GXYLT2: variants seen among roughly 807,000 people sequenced by gnomAD.
GXYLT2 encodes the protein glucoside xylosyltransferase 2.
GXYLT2 carries 53 observed loss-of-function variants against 45.8 expected under a neutral mutation model. The ratio of observed to expected loss-of-function variants is 1.16; its 90% CI spans 0.93 to 1.46. GXYLT2 has a LOEUF of 1.46. GXYLT2 is among the 40% of genes most tolerant of loss of function. The pLI is 0.00. For missense variants in GXYLT2, 551 were observed against 544.4 expected (o/e 1.01, Z -0.12); for synonymous variants, 219 against 214.2 (o/e 1.02, Z -0.19).
In GXYLT2 at chr3:72,929,567, C is replaced by T. The variant is rs1034173602; in HGVS notation, c.600+7232C>T. 8.9e-6 allele frequency: 10 copies of T among 1,127,308 alleles called. No individual in the cohort carries two copies. In the East Asian group the frequency reaches 1.2e-4, roughly 13 times the overall value. The allele number at this position is 1,127,308 out of a possible 1,614,324, so 69.8% of individuals were successfully genotyped here. On this transcript the variant is annotated intron_variant, in intron 3 of 6. Coordinates refer to ENST00000389617, the MANE Select transcript of GXYLT2 (RefSeq NM_001080393.2). The stretch of plus-strand genomic sequence containing the variant: ...CGGCAGAATATCTCTTTGACAAGCA[C>T]ACGCTGGGAGACAGTGATAACGAAA...
chr3:72,947,450 G>T (rs1280735687), intron 3 of GXYLT2, among the ~76,000 whole-genome samples: 1 of 152,178 alleles, frequency 6.6e-6, no homozygotes, highest in Non-Finnish European at 1.5e-5. Context: ...GAGGTAGACG[G>T]AGTGTGTATA....
intron 6 of GXYLT2, among the ~76,000 whole-genome samples, chr3:72,971,344 C>T (rs937812901): frequency 1.3e-5 from 2 of 152,126 alleles, no homozygotes; most frequent in African/African-American, 4.8e-5. Flanking sequence ...AACCCTGACC[C>T]AAAATGTGAG....
At chr3:72,933,793 TGG>T (rs1348809256) in intron 3 of GXYLT2, among the ~76,000 whole-genome samples, 4 of 151,952 alleles carry the variant, frequency 2.6e-5, no homozygotes, top group Non-Finnish European at 4.4e-5. Context: ...CCCAGCAGCC[TGG>T]GGGGGCCGAG....
intron 3 of GXYLT2, among the ~76,000 whole-genome samples, chr3:72,923,406 C>A (rs535608196): frequency 1.3e-5 from 2 of 152,054 alleles, no homozygotes; most frequent in African/African-American, 4.8e-5. Flanking sequence ...CAGACTGAGA[C>A]CGTGTCTCAA....
chr3:72,971,948 A>T (rs767869583), intron 6 of GXYLT2, among the ~76,000 whole-genome samples: 9 of 130,096 alleles, frequency 6.9e-5, no homozygotes, highest in Non-Finnish European at 1.4e-4. Context: ...CACTCCATCT[A>T]AAAAAAAAAA....
At position 72,956,165 on chromosome 3, in the gene GXYLT2, C is replaced by T. The variant is rs575116534; in HGVS notation, c.852+816C>T. 1.1e-3 allele frequency among the ~76,000 whole-genome samples: 173 copies of T among 152,074 alleles called. 1 individual carries two copies. Among genetic ancestry groups the T allele is most frequent in the Non-Finnish European group, 1.8e-3 (119 of 67,992 alleles). ...ACTTGGGAGGCTGAGATGGGAGGAT[C>T]GCTTGAGCCCAGGAGGTCGAGGCTG... On this transcript the variant is annotated intron_variant, in intron 4 of 6. Coordinates refer to ENST00000389617, the MANE Select transcript of GXYLT2 (RefSeq NM_001080393.2).
intron 1 of GXYLT2, among the ~76,000 whole-genome samples, chr3:72,899,738 T>C (rs1363211643): frequency 6.6e-6 from 1 of 152,202 alleles, no homozygotes; most frequent in Non-Finnish European, 1.5e-5. Context: ...CACTCTCTCC[T>C]CATTTGCAGA....
chr3:72,928,994 G>T, intron 3 of GXYLT2: 2 of 1,157,416 alleles, frequency 1.7e-6, no homozygotes, highest in Non-Finnish European at 2.5e-6. Flanking sequence ...AAGGCCCGCC[G>T]CCGCTCCAGC....
chr3:72,930,449 C>T (rs935022176), intron 3 of GXYLT2, among the ~76,000 whole-genome samples: 8 of 150,734 alleles, frequency 5.3e-5, no homozygotes, highest in African/African-American at 2.0e-4. Context: ...TTGCAGTGAG[C>T]CAAGATCATG....
intron 1 of GXYLT2, among the ~76,000 whole-genome samples, chr3:72,898,106 A>G (rs1477469592): frequency 6.6e-6 from 1 of 152,314 alleles, no homozygotes; most frequent in East Asian, 1.9e-4. Context: ...TGCTAGTGGT[A>G]TTTAAAATTT....
chr3:72,937,619 A>T (rs549068414), intron 3 of GXYLT2, among the ~76,000 whole-genome samples: 4 of 152,336 alleles, frequency 2.6e-5, no homozygotes, highest in Admixed American at 6.5e-5. Flanking sequence ...TTGAAGCCCA[A>T]GATTCTCCTA....
At chr3:72,933,485 G>T (rs960544470) in intron 3 of GXYLT2, among the ~76,000 whole-genome samples, 1 of 152,150 alleles carries the variant, frequency 6.6e-6, no homozygotes, top group East Asian at 1.9e-4. Flanking sequence ...TTACTGTAAC[G>T]TAGTTCTTTG....
chr3:72,950,217 T>G (rs1710496038), intron 3 of GXYLT2, among the ~76,000 whole-genome samples: 1 of 151,954 alleles, frequency 6.6e-6, no homozygotes, highest in African/African-American at 2.4e-5. Context: ...TCCCAGGACT[T>G]TGGGAGGCTG....
At chr3:72,949,598 G>A (rs35437911) in intron 3 of GXYLT2, among the ~76,000 whole-genome samples, 16,895 of 125,816 alleles carry the variant, frequency 0.13, 1,226 homozygotes, top group African/African-American at 0.24. Flanking sequence ...TGCAACCTCC[G>A]CCTCCCGGGT....
intron 3 of GXYLT2, among the ~76,000 whole-genome samples, chr3:72,940,815 G>A (rs115954349): frequency 2.1e-3 from 323 of 152,106 alleles, no homozygotes; most frequent in African/African-American, 6.8e-3. Flanking sequence ...CTGAGTAGCT[G>A]GAATTACCCA....
rs777042665 is a variant in GXYLT2, at chr3:72,967,635, T to C, written c.1065T>C (p.Gly355=). ...ACTGCAGAGAGGCTGAGCATGAAGG[T>C]GTGTCTGTTCTGCATGGAAACCGAG... ...GSNCREAEHE[G]VSVLHGNRGV... The change falls in exon 6 of 7, where the codon GGT becomes GGC. Residue 355 remains glycine (G), a synonymous_variant. Coordinates refer to ENST00000389617, the MANE Select transcript of GXYLT2 (RefSeq NM_001080393.2). 5 of 1,613,878 alleles carry C rather than the reference T, an allele frequency of 3.1e-6. No homozygotes were observed. Among genetic ancestry groups the C allele is most frequent in the Non-Finnish European group, 4.2e-6 (5 of 1,179,812 alleles).
At chr3:72,971,130 C>A (rs1559754384) in intron 6 of GXYLT2, among the ~76,000 whole-genome samples, 1 of 152,104 alleles carries the variant, frequency 6.6e-6, no homozygotes, top group East Asian at 1.9e-4. Flanking sequence ...TCTTGGGTTT[C>A]TTTTGTGATC....
At chr3:72,921,003 T>G (rs928940992) in intron 2 of GXYLT2, among the ~76,000 whole-genome samples, 5 of 151,696 alleles carry the variant, frequency 3.3e-5, no homozygotes, top group Non-Finnish European at 7.4e-5. Context: ...GTATTTTTAG[T>G]AGAGACGGGG....
chr3:72,894,681 G>GC (rs1247244873), intron 1 of GXYLT2, among the ~76,000 whole-genome samples: 1 of 152,226 alleles, frequency 6.6e-6, no homozygotes, highest in Non-Finnish European at 1.5e-5. Context: ...CCCTCGTCCT[G>GC]CCCCGTGGAA....
Sources: allele counts gnomAD v4.1 joint callset (sites outside exome capture counted in the v4.1 genomes callset), GRCh38; gene constraint gnomAD v4.1.1; transcripts MANE v1.5; gene names NCBI Gene and HGNC (gene_info 2026-07-23, HGNC 2026-07-21).